Variants in ZAN observed in about 807,000 individuals in gnomAD.
ZAN encodes the protein zonadhesin (gene/pseudogene).
In ZAN, 260 loss-of-function variants were observed where a neutral mutation model predicts 286.2. That is an observed-to-expected ratio of 0.91 (90% confidence interval 0.82 to 1.01). The LOEUF is 1.01. Among genes scored for constraint, ZAN ranks in the 50% least tolerant of loss-of-function variants. The pLI is 0.00. For missense variants in ZAN, 3,410 were observed against 3,639.2 expected, an observed-to-expected ratio of 0.94 and a Z score of 1.62; for synonymous variants, 1,368 against 1,417.5, an observed-to-expected ratio of 0.97 and a Z score of 0.79.
intron 19 of ZAN, 122 bp from the exon 20 acceptor site, chr7:100,762,093 C>A: frequency 7.9e-7 from 1 of 1,269,396 alleles, no homozygotes; most frequent in Non-Finnish European, 1.1e-6. Context: ...CCAGTCCGCA[C>A]CTCTTCATCC....
At chr7:100,774,786 C>T (rs1810634024) in intron 31 of ZAN, among the ~76,000 whole-genome samples, 3 of 151,836 alleles carry the variant, frequency 2.0e-5, no homozygotes, top group Admixed American at 2.0e-4. Context: ...TGACCATATG[C>T]CATTGCATTC....
chr7:100,751,636 C>G lies in ZAN; in HGVS notation c.1607-76C>G, dbSNP rs367684088. 5.1e-5 allele frequency: 75 copies of G among 1,477,356 alleles called. No homozygotes were observed. In the African/African-American group the frequency reaches 7.9e-4, roughly 16 times the overall value. 91.5% of individuals were successfully genotyped at this position (1,477,356 alleles called of 1,614,324 possible). The stretch of plus-strand genomic sequence containing the variant: ...TGAATAAGCCACCCATGGGAGCCCA[C>G]TCCAGTTAGATGGCAGTAAAGAGGG... On this transcript the variant is annotated intron_variant, in intron 13 of 47. Coordinates refer to ENST00000613979, the MANE Select transcript of ZAN (RefSeq NM_003386.3).
At position 100,775,178 on chromosome 7, in the gene ZAN, G is replaced by A. The variant is rs527395529; in HGVS notation, c.5780-150G>A. The A allele has an allele frequency of 1.5e-4, 181 of 1,213,512 alleles. 2 individuals carry two copies. The South Asian group carries it at 2.8e-3, about 19-fold the overall frequency. 75.2% of individuals were successfully genotyped at this position (1,213,512 alleles called of 1,614,324 possible). On this transcript the variant is annotated intron_variant, in intron 31 of 47. Coordinates refer to ENST00000613979, the MANE Select transcript of ZAN (RefSeq NM_003386.3). ...CCAGCCCACCTTGGCCTCCCAAAGT[G>A]CTGGGATTACAGGCATGAGCCACTG...
chr7:100,734,593 T>C (rs1422979021), intron 2 of ZAN, among the ~76,000 whole-genome samples: 1 of 126,678 alleles, frequency 7.9e-6, no homozygotes, highest in East Asian at 2.2e-4. Flanking sequence ...CACTCCAGCC[T>C]GGATGACAGA....
rs202133169 is a variant in ZAN, at chr7:100,748,143, G to C, written c.1030G>C (p.Val344Leu). ...YTAVGRIQFA[V>L]VGVFGKTPEP... is the part of the protein sequence containing the mutation. ...CATCTCCCTTTCTCTCCAGTTTGCC[G>C]TGGTAGGCGTTTTTGGAAAGACCCC... The change falls in exon 10 of 48, where the codon GTG (valine) becomes CTG (leucine). Residue 344 changes from valine to leucine, a missense_variant. By Grantham distance (32) the Val-to-Leu change is conservative. Transcript: ENST00000613979. 6.2e-7 allele frequency: 1 copy of C among 1,613,708 alleles called. No individual in the cohort carries two copies. The highest frequency in any genetic ancestry group is 8.5e-7 in the Non-Finnish European group (1 of 1,179,856).
rs1040143692 is a variant in ZAN at position 100,755,229 on chromosome 7, G to A, written c.3128G>A (p.Arg1043His). Residue 1043 changes from arginine to histidine, a missense_variant, in exon 15 of 48, where the codon CGC becomes CAC. Coordinates refer to ENST00000613979, the MANE Select transcript of ZAN (RefSeq NM_003386.3). ...ACAGAGGCTGTTTTCCCCTTAGAGC[G>A]CTGCCCTCCAAATGCCCGCTACGAA... ...TTTTSRSSTE[R>H]CPPNARYESC... is the part of the protein sequence containing the mutation. The A allele has an allele frequency of 4.3e-6, 7 of 1,611,208 alleles. No homozygotes were observed. Among genetic ancestry groups the A allele is most frequent in the East Asian group, 4.5e-5 (2 of 44,822 alleles).
intron 25 of ZAN, 54 bp downstream of exon 25, chr7:100,767,311 T>C: frequency 6.4e-7 from 1 of 1,564,784 alleles, no homozygotes. Flanking sequence ...TGCTTGCTTC[T>C]CTCCTGTGCC....
intron 11 of ZAN, among the ~76,000 whole-genome samples, chr7:100,749,113 G>A (rs1470208996): frequency 6.6e-6 from 1 of 152,006 alleles, no homozygotes; most frequent in Non-Finnish European, 1.5e-5. Flanking sequence ...GCCGAGGCAG[G>A]TGGATCACTT....
chr7:100,760,812 G>A (rs1340253644), intron 19 of ZAN, among the ~76,000 whole-genome samples: 1 of 152,192 alleles, frequency 6.6e-6, no homozygotes, highest in African/African-American at 2.4e-5. Flanking sequence ...GAGTTCTGGA[G>A]GCTTTCTGAA....
rs1286104390 is a variant in ZAN, at chr7:100,759,800, C to A, written c.3651C>A (p.Thr1217=). Residue 1217 remains threonine, a synonymous_variant, in exon 18 of 48, where the codon ACC becomes ACA. Transcript: ENST00000613979. The part of the protein sequence containing the change: ...GVSCLSKVYV[T]LPESTVTLLK... Reference sequence around the variant, plus strand: ...CCTGCCTGAGCAAAGTCTACGTGACCCTGCCCGAGAGCACCGTCACCCTGC... The same window carrying A: ...CCTGCCTGAGCAAAGTCTACGTGACACTGCCCGAGAGCACCGTCACCCTGC... 10 of 1,610,152 alleles carry A rather than the reference C, an allele frequency of 6.2e-6. No individual in the cohort carries two copies. In the African/African-American group the frequency reaches 8.0e-5, roughly 13 times the overall value.
chr7:100,767,517 C>G (rs1810075554), intron 25 of ZAN, among the ~76,000 whole-genome samples: 1 of 146,678 alleles, frequency 6.8e-6, no homozygotes, highest in African/African-American at 2.5e-5. Flanking sequence ...GCTCTATCAC[C>G]CAGGCTGGAG....
At chr7:100,753,365 A>T in intron 14 of ZAN, 136 bp downstream of exon 14, 1 of 1,066,746 alleles carries the variant, frequency 9.4e-7, no homozygotes, top group East Asian at 2.6e-5. Context: ...AGGAGAGCTG[A>T]AGTAGTCCAT....
chr7:100,778,803 C>T (rs1178977014), intron 34 of ZAN, among the ~76,000 whole-genome samples: 2 of 151,920 alleles, frequency 1.3e-5, no homozygotes, highest in African/African-American at 2.4e-5. Context: ...GAGGCCGAGG[C>T]GGGTGGATCA....
rs199991476 is a variant in ZAN at position 100,735,803 on chromosome 7, C to T, written c.106+31C>T. The T allele has an allele frequency of 3.2e-5, 46 of 1,415,686 alleles. 7 individuals are homozygous for T. The East Asian group carries it at 1.1e-3, about 33-fold the overall frequency. 87.7% of individuals were successfully genotyped at this position (1,415,686 alleles called of 1,614,324 possible). A position where few individuals can be genotyped will look rare whatever the true frequency, so the allele number is the denominator to read the frequency against. ...TTGGAAACCAGGAGTGCTAAGATTT[C>T]TCCTCCCTCCTCCGAACCCACATTC... On this transcript the variant is annotated intron_variant, in intron 3 of 47. Coordinates refer to ENST00000613979, the MANE Select transcript of ZAN (RefSeq NM_003386.3).
intron 34 of ZAN, among the ~76,000 whole-genome samples, chr7:100,778,849 A>C (rs1810996005): frequency 6.6e-6 from 1 of 152,086 alleles, no homozygotes; most frequent in South Asian, 2.1e-4. Context: ...CCTTGCCAAC[A>C]TGGTGAAACC....
intron 26 of ZAN, among the ~76,000 whole-genome samples, chr7:100,768,375 C>T (rs953427508): frequency 3.3e-5 from 5 of 152,190 alleles, no homozygotes; most frequent in South Asian, 2.1e-4. Flanking sequence ...GGGAGGCTGA[C>T]GCGGGAGAAT....
intron 35 of ZAN, 34 bp from the exon 36 acceptor site, chr7:100,784,589 C>A (rs778101497): frequency 1.2e-6 from 2 of 1,608,692 alleles, no homozygotes; most frequent in East Asian, 4.5e-5. Context: ...CCCTGTGACC[C>A]TCTCCACTGA....
In ZAN at chr7:100,748,006, A is replaced by G. The variant is rs1162295442; in HGVS notation, c.1024-131A>G. 7 of 727,018 alleles carry G rather than the reference A, an allele frequency of 9.6e-6. No individual in the cohort carries two copies. The African/African-American group carries it at 1.1e-4, about 11-fold the overall frequency. 45.0% of individuals were successfully genotyped at this position (727,018 alleles called of 1,614,324 possible). ...GACTCTGAAAAAAAAAAAAAAAGAA[A>G]GAAAGAACTGAATTGAGGGTCTGGG... On this transcript the variant is annotated intron_variant, in intron 9 of 47. Coordinates refer to ENST00000613979, the MANE Select transcript of ZAN (RefSeq NM_003386.3).
intron 7 of ZAN, among the ~76,000 whole-genome samples, chr7:100,738,915 C>T (rs184723331): frequency 0.17 from 376 of 2,188 alleles, 74 homozygotes; most frequent in South Asian, 0.54. Flanking sequence ...CTCCCTCTCC[C>T]TCTCCCTCTC....
Sources: gnomAD v4.1 joint callset for allele counts (sites outside exome capture counted in the v4.1 genomes callset) on GRCh38, gnomAD v4.1.1 for gene constraint, MANE v1.5 for transcripts, NCBI Gene and HGNC (gene_info 2026-07-23, HGNC 2026-07-21) for gene names.